The following DLC1 variants were observed in gnomAD, a reference collection of about 807,000 sequenced individuals.
DLC1 encodes the protein DLC1 Rho GTPase activating protein, also known as rho GTPase-activating protein 7.
DLC1 carries 54 observed loss-of-function variants against 140.3 expected under a neutral mutation model. The observed-to-expected ratio is 0.38, with a 90% CI of 0.31 to 0.48. The LOEUF is 0.48. Among genes scored for constraint, DLC1 ranks in the 20% least tolerant of loss-of-function variants. DLC1 has a pLI of 0.96. For missense variants in DLC1, 2,536 were observed against 1,907.0 expected, an observed-to-expected ratio of 1.33 and a Z score of -6.14; for synonymous variants, 986 against 728.1, an observed-to-expected ratio of 1.35 and a Z score of -5.70.
At chr8:13,285,994 G>A (rs879451583) in intron 5 of DLC1, among the ~76,000 whole-genome samples, 13 of 152,010 alleles carry the variant, frequency 8.6e-5, no homozygotes, top group Non-Finnish European at 1.6e-4. Flanking sequence ...GTGATAAACC[G>A]GGGAAATATT....
intron 1 of DLC1, among the ~76,000 whole-genome samples, chr8:13,524,885 T>G (rs1802872482): frequency 1.3e-5 from 2 of 152,224 alleles, no homozygotes; most frequent in African/African-American, 2.4e-5. Flanking sequence ...ACAATTTGAT[T>G]GCTTTTGACA....
chr8:13,602,754 T>A (rs2117505842), intron 1 of DLC1, among the ~76,000 whole-genome samples: 1 of 152,028 alleles, frequency 6.6e-6, no homozygotes, highest in African/African-American at 2.4e-5. Context: ...CAACATAATT[T>A]TTTTCAAAAT....
upstream of DLC1, among the ~76,000 whole-genome samples, chr8:13,516,338 GTTC>G (rs1478882980): frequency 1.5e-4 from 23 of 152,286 alleles, no homozygotes; most frequent in Non-Finnish European, 2.9e-5. Flanking sequence ...GATCTATCCT[GTTC>G]TTCTCTGAAA....
chr8:13,483,162 G>T (rs1800814252), intron 2 of DLC1, among the ~76,000 whole-genome samples: 1 of 152,094 alleles, frequency 6.6e-6, no homozygotes, highest in South Asian at 2.1e-4. Context: ...TTTTCACATG[G>T]CCTTGTCTGT....
intron 4 of DLC1, among the ~76,000 whole-genome samples, chr8:13,323,817 A>G (rs1394987880): frequency 6.6e-6 from 1 of 152,214 alleles, no homozygotes; most frequent in Non-Finnish European, 1.5e-5. Context: ...GCATTTTGTT[A>G]ACTGGTGGTA....
intron 1 of DLC1, among the ~76,000 whole-genome samples, chr8:13,501,344 T>C (rs2117209637): frequency 6.6e-6 from 1 of 152,308 alleles, no homozygotes; most frequent in Admixed American, 6.5e-5. Context: ...AATACCAGTG[T>C]CAACTCAACG....
rs528325207 is a variant in DLC1 at position 13,313,452 on chromosome 8, A to G, written c.1315-8150T>C. ...ACTAATTGGCATGATGATTTTTGGC[A>G]CTTTTCTAGAACTCTCTGAGCTCAG... On this transcript the variant is annotated intron_variant, in intron 4 of 17. Coordinates refer to ENST00000276297, the MANE Select transcript of DLC1 (RefSeq NM_182643.3). Among the ~76,000 whole-genome samples the G allele has an allele frequency of 1.6e-4, 24 of 152,320 alleles. 1 individual carries two copies. The South Asian group carries it at 4.6e-3, about 29-fold the overall frequency.
intron 2 of DLC1, among the ~76,000 whole-genome samples, chr8:13,418,528 T>G (rs1374925559): frequency 6.6e-6 from 1 of 152,218 alleles, no homozygotes; most frequent in Admixed American, 6.5e-5. Context: ...TAGTTGTAGA[T>G]AAGCAGCGTT....
At chr8:13,092,445 G>A (rs1246094371) in intron 13 of DLC1, among the ~76,000 whole-genome samples, 167 bp downstream of exon 13, 1 of 152,202 alleles carries the variant, frequency 6.6e-6, no homozygotes, top group Admixed American at 6.5e-5. Context: ...CACGCCAACA[G>A]ACCAGTCTCA....
At chr8:13,446,090 A>G (rs1012312076) in intron 2 of DLC1, among the ~76,000 whole-genome samples, 5 of 152,266 alleles carry the variant, frequency 3.3e-5, no homozygotes, top group African/African-American at 9.6e-5. Context: ...TAACATATCA[A>G]TTACGTTTCA....
At chr8:13,159,842 G>A (rs1351795771) in intron 5 of DLC1, among the ~76,000 whole-genome samples, 4 of 150,738 alleles carry the variant, frequency 2.7e-5, no homozygotes, top group African/African-American at 7.4e-5. Flanking sequence ...GAGGCATGGA[G>A]TGGAAACCTG....
intron 5 of DLC1, among the ~76,000 whole-genome samples, chr8:13,254,563 C>A (rs1325718888): frequency 1.3e-5 from 2 of 152,108 alleles, no homozygotes; most frequent in East Asian, 1.9e-4. Flanking sequence ...GCTAATGCCA[C>A]AGGGCTTATC....
chr8:13,600,203 T>A (rs1805828858), intron 1 of DLC1, among the ~76,000 whole-genome samples: 1 of 151,940 alleles, frequency 6.6e-6, no homozygotes, highest in East Asian at 1.9e-4. Context: ...TTTAAGCTAG[T>A]GCACTATGAA....
chr8:13,247,034 C>T (rs1395433852), intron 5 of DLC1, among the ~76,000 whole-genome samples: 2 of 152,158 alleles, frequency 1.3e-5, no homozygotes, highest in Non-Finnish European at 2.9e-5. Context: ...ACAAGAATGC[C>T]ATCCTGTGCT....
intron 4 of DLC1, among the ~76,000 whole-genome samples, chr8:13,305,991 A>AT: frequency 6.6e-6 from 1 of 152,150 alleles, no homozygotes; most frequent in Admixed American, 6.6e-5. Context: ...CCTGTTGCTT[A>AT]TTTTTTCTGT....
In DLC1 at chr8:13,476,866, A is replaced by G. The variant is rs556240807; in HGVS notation, c.1023+22183T>C. Among the ~76,000 whole-genome samples, 20 of 152,320 alleles carry G rather than the reference A, an allele frequency of 1.3e-4. No individual in the cohort carries two copies. The South Asian group carries it at 3.5e-3, about 27-fold the overall frequency. On this transcript the variant is annotated intron_variant, in intron 2 of 17. Transcript: ENST00000276297. ...ATTGTAGGATACACCTTTTCATGTA[A>G]GTGAAATCAAAGAAGATGATTAAAA... is the stretch of plus-strand genomic sequence containing the variant.
At chr8:13,259,127 ACTCCGT>A (rs150700447) in intron 5 of DLC1, among the ~76,000 whole-genome samples, 17,378 of 144,964 alleles carry the variant, frequency 0.12, 1,152 homozygotes, top group South Asian at 0.22. Context: ...ACGCAGTGAA[ACTCCGT>A]CTCAAGAAAA....
chr8:13,389,297 A>G (rs569695526), intron 4 of DLC1, among the ~76,000 whole-genome samples: 1 of 152,128 alleles, frequency 6.6e-6, no homozygotes, highest in Non-Finnish European at 1.5e-5. Context: ...TCGTGAAACA[A>G]TCCTATATTA....
chr8:13,185,823 C>G (rs553836825), intron 5 of DLC1, among the ~76,000 whole-genome samples: 2 of 152,228 alleles, frequency 1.3e-5, no homozygotes, highest in African/African-American at 2.4e-5. Context: ...CCTTCAGGAG[C>G]TCTTGTAAGG....
Sources: gnomAD v4.1 joint callset for allele counts (sites outside exome capture counted in the v4.1 genomes callset) on GRCh38, gnomAD v4.1.1 for gene constraint, MANE v1.5 for transcripts, NCBI Gene and HGNC (gene_info 2026-07-23, HGNC 2026-07-21) for gene names.